KIAA0825: variants seen among roughly 807,000 people sequenced by gnomAD.
KIAA0825 encodes uncharacterized protein KIAA0825.
A neutral mutation model predicts 147.6 loss-of-function variants in KIAA0825; 119 were observed. That is an observed-to-expected ratio of 0.81 (90% CI 0.69 to 0.94). The LOEUF is 0.94. KIAA0825 is among the 40% of genes least tolerant of loss of function. KIAA0825 has a pLI of 0.00. For missense variants in KIAA0825, 1,381 were observed against 1,472.7 expected, an observed-to-expected ratio of 0.94 and a Z score of 1.02; for synonymous variants, 470 against 518.1, an observed-to-expected ratio of 0.91 and a Z score of 1.26.
At chr5:94,320,309 T>C (rs548439365) in intron 20 of KIAA0825, among the ~76,000 whole-genome samples, 11 of 152,040 alleles carry the variant, frequency 7.2e-5, no homozygotes, top group Non-Finnish European at 1.6e-4. Context: ...TTACCTCTTG[T>C]ATTTATCATT....
At position 94,440,012 on chromosome 5, in the gene KIAA0825, G is replaced by A; in HGVS notation, c.2467C>T (p.Leu823Phe). 2.6e-6 allele frequency: 4 copies of A among 1,551,730 alleles called. No homozygotes were observed. Among genetic ancestry groups the A allele is most frequent in the Non-Finnish European group, 3.5e-6 (4 of 1,146,820 alleles). ...CTCTTCAGCAAGATTCTCAGTAAAA[G>A]TCCATCATGATGCAGTAGGGTTTCC... is the stretch of plus-strand genomic sequence containing the variant. The part of the protein sequence containing the change: ...LLETLLHHDG[L>F]LLRILLKSSK... Residue 823 changes from leucine to phenylalanine, a missense_variant, in exon 14 of 21, where the codon CTT (leucine) becomes TTT (phenylalanine). Physicochemically the swap from Leu to Phe is conservative, Grantham distance 22 (BLOSUM62 0). Transcript: ENST00000682413.
chr5:94,500,452 C>T (rs925585168), intron 5 of KIAA0825, among the ~76,000 whole-genome samples: 3 of 152,048 alleles, frequency 2.0e-5, no homozygotes, highest in African/African-American at 4.8e-5. Flanking sequence ...ATTCTTTTGA[C>T]GGTGAGGAGC....
chr5:94,573,658 T>A (rs2152333551), intron 2 of KIAA0825, among the ~76,000 whole-genome samples: 1 of 152,354 alleles, frequency 6.6e-6, no homozygotes, highest in South Asian at 2.1e-4. Context: ...GCTAGACTTT[T>A]AGTTAATCTC....
chr5:94,182,561 T>C (rs1391356762), intron 20 of KIAA0825, among the ~76,000 whole-genome samples: 5 of 151,816 alleles, frequency 3.3e-5, no homozygotes, highest in Non-Finnish European at 5.9e-5. Context: ...TGCCCAGCCG[T>C]AAATGTCCCT....
intron 20 of KIAA0825, among the ~76,000 whole-genome samples, chr5:94,373,073 C>T (rs1046459372): frequency 6.6e-6 from 1 of 152,206 alleles, no homozygotes; most frequent in African/African-American, 2.4e-5. Flanking sequence ...ACTTCATTGT[C>T]CGTATCACTA....
chr5:94,441,479 C>T (rs529213318), intron 13 of KIAA0825, among the ~76,000 whole-genome samples: 3 of 152,200 alleles, frequency 2.0e-5, no homozygotes, highest in Admixed American at 1.3e-4. Flanking sequence ...TGTTTGTGTT[C>T]CCCCTCCTCA....
At chr5:94,517,153 T>C (rs1373298428) in intron 5 of KIAA0825, among the ~76,000 whole-genome samples, 1 of 152,180 alleles carries the variant, frequency 6.6e-6, no homozygotes, top group African/African-American at 2.4e-5. Context: ...CTAACTATCA[T>C]ACTGTTTTGC....
chr5:94,536,725 G>A (rs934909516), intron 3 of KIAA0825, among the ~76,000 whole-genome samples: 1 of 152,166 alleles, frequency 6.6e-6, no homozygotes, highest in Non-Finnish European at 1.5e-5. Context: ...CATCAACATT[G>A]ACAAGCTCTA....
rs570582561 is a variant in KIAA0825 at position 94,364,054 on chromosome 5, G to A, written c.3710+20314C>T. Among the ~76,000 whole-genome samples, 13 of 152,044 alleles carry A rather than the reference G, an allele frequency of 8.6e-5. No homozygotes were observed. In the South Asian group the frequency reaches 2.3e-3, roughly 27 times the overall value. ...TGCTTTACAGTACAAGTGACAAGCA[G>A]GAAAAGCACGAGATCCTTGCTCTCC... On this transcript the variant is annotated intron_variant, in intron 20 of 20. Coordinates refer to ENST00000682413, the MANE Select transcript of KIAA0825 (RefSeq NM_001145678.3).
At chr5:94,225,294 A>G (rs899038631) in intron 20 of KIAA0825, among the ~76,000 whole-genome samples, 7 of 152,222 alleles carry the variant, frequency 4.6e-5, no homozygotes, top group Admixed American at 4.6e-4. Flanking sequence ...AATGACATCT[A>G]CTTCTAGATT....
chr5:94,213,312 AT>A (rs1378131655), intron 20 of KIAA0825, among the ~76,000 whole-genome samples: 1 of 152,128 alleles, frequency 6.6e-6, no homozygotes. Context: ...TATATAATAA[AT>A]ATCTCTTGAA....
chr5:94,209,029 T>C (rs1385165140), intron 20 of KIAA0825, among the ~76,000 whole-genome samples: 1 of 152,186 alleles, frequency 6.6e-6, no homozygotes, highest in Non-Finnish European at 1.5e-5. Flanking sequence ...CTCTAGATCA[T>C]TTTGATGTTT....
At chr5:94,548,430 G>T (rs1463725835) in intron 2 of KIAA0825, among the ~76,000 whole-genome samples, 1 of 151,980 alleles carries the variant, frequency 6.6e-6, no homozygotes, top group African/African-American at 2.4e-5. Context: ...AAAAATAAAT[G>T]CAAGAAATTA....
chr5:94,208,254 T>C (rs1367244664), intron 20 of KIAA0825, among the ~76,000 whole-genome samples: 1 of 152,198 alleles, frequency 6.6e-6, no homozygotes. Flanking sequence ...ACAGACCTCA[T>C]TTATTTTTGC....
At position 94,494,611 on chromosome 5, in the gene KIAA0825, A is replaced by G. The variant is rs559812753; in HGVS notation, c.971-9681T>C. 6.6e-5 allele frequency among the ~76,000 whole-genome samples: 10 copies of G among 152,268 alleles called. 1 individual carries two copies. Among genetic ancestry groups the G allele is most frequent in the Admixed American group, 5.9e-4 (9 of 15,286 alleles). ...TCTAGTGTGATAAAATGGGTTTTAA[A>G]TTTTAAGTACTATATGCTAATGGTA... On this transcript the variant is annotated intron_variant, in intron 5 of 20. Transcript: ENST00000682413.
At chr5:94,235,919 C>CAACAG (rs1775016221) in intron 20 of KIAA0825, among the ~76,000 whole-genome samples, 1 of 152,086 alleles carries the variant, frequency 6.6e-6, no homozygotes, top group African/African-American at 2.4e-5. Flanking sequence ...CTGTTGAGAC[C>CAACAG]TACTGCTCAG....
intron 20 of KIAA0825, among the ~76,000 whole-genome samples, chr5:94,372,663 G>GGTCTCCA (rs1433323941): frequency 1.3e-5 from 2 of 152,172 alleles, no homozygotes; most frequent in African/African-American, 4.8e-5. Flanking sequence ...TTCCCTTCTG[G>GGTCTCCA]GTCTCCAGGC....
intron 20 of KIAA0825, among the ~76,000 whole-genome samples, chr5:94,356,881 C>T (rs1784341922): frequency 6.6e-6 from 1 of 151,692 alleles, no homozygotes; most frequent in South Asian, 2.1e-4. Flanking sequence ...CGCACCACCA[C>T]ACCCAGCTAA....
chr5:94,368,396 C>T (rs62364581), intron 20 of KIAA0825, among the ~76,000 whole-genome samples: 1 of 152,142 alleles, frequency 6.6e-6, no homozygotes, highest in Admixed American at 6.5e-5. Context: ...TAGTCTCGAA[C>T]TCCTAGGCTC....
Sources: allele counts gnomAD v4.1 joint callset (sites outside exome capture counted in the v4.1 genomes callset), GRCh38; gene constraint gnomAD v4.1.1; transcripts MANE v1.5; gene names NCBI Gene and HGNC (gene_info 2026-07-23, HGNC 2026-07-21).